The following ATP6V0D1 variants were observed in gnomAD, a reference collection of about 807,000 sequenced individuals.
ATP6V0D1 encodes the protein V-type proton ATPase subunit d 1.
A neutral mutation model predicts 39.0 loss-of-function variants in ATP6V0D1; 13 were observed. The ratio of observed to expected loss-of-function variants is 0.33; its 90% CI spans 0.22 to 0.53. The LOEUF (loss-of-function observed/expected upper bound fraction) is 0.53, where lower values mean the gene tolerates loss of function less well. ATP6V0D1 is among the 20% of genes least tolerant of loss of function. The pLI is 0.94. For missense variants in ATP6V0D1, 272 were observed against 470.9 expected (o/e 0.58, Z 3.91); for synonymous variants, 191 against 191.2 (o/e 1.00, Z 0.01).
chr16:67,458,630 T>C (rs1035595401), intron 1 of ATP6V0D1, among the ~76,000 whole-genome samples: 1 of 152,224 alleles, frequency 6.6e-6, no homozygotes, highest in Non-Finnish European at 1.5e-5. Flanking sequence ...CAGGAATGTC[T>C]GGCCAGCTTG....
At chr16:67,455,099 G>A (rs143465835) in intron 1 of ATP6V0D1, 2,608 of 152,396 alleles carry the variant, frequency 0.017, 47 homozygotes, top group Middle Eastern at 0.047. Context: ...ACATGGTGGC[G>A]GAGGCTGGCT....
At chr16:67,478,061 G>A (rs2041431216) in intron 1 of ATP6V0D1, among the ~76,000 whole-genome samples, 1 of 152,200 alleles carries the variant, frequency 6.6e-6, no homozygotes, top group African/African-American at 2.4e-5. Flanking sequence ...TTTACCTAGC[G>A]CTTATTCTGT....
chr16:67,446,536 C>T (rs1367530199), intron 2 of ATP6V0D1, among the ~76,000 whole-genome samples: 4 of 152,182 alleles, frequency 2.6e-5, no homozygotes, highest in Non-Finnish European at 5.9e-5. Flanking sequence ...CCCCACAGTG[C>T]TGGCAGAGTG....
chr16:67,467,522 T>C (rs1248595044), intron 1 of ATP6V0D1, among the ~76,000 whole-genome samples: 1 of 151,710 alleles, frequency 6.6e-6, no homozygotes, highest in Non-Finnish European at 1.5e-5. Flanking sequence ...AAAAGAGCTG[T>C]CACTCATCCA....
intron 2 of ATP6V0D1, among the ~76,000 whole-genome samples, chr16:67,450,843 T>C (rs1294947071): frequency 3.9e-5 from 6 of 151,942 alleles, no homozygotes; most frequent in Admixed American, 3.9e-4. Context: ...ACTCAGAACA[T>C]TGGTGGAAGG....
At chr16:67,443,659 G>A (rs530095536) in intron 3 of ATP6V0D1, among the ~76,000 whole-genome samples, 70 of 152,344 alleles carry the variant, frequency 4.6e-4, no homozygotes, top group African/African-American at 1.6e-3. Context: ...GGGCCACTGT[G>A]GGGTTGGAAA....
intron 1 of ATP6V0D1, among the ~76,000 whole-genome samples, chr16:67,478,613 CAAA>C (rs1292018624): frequency 1.9e-5 from 1 of 51,530 alleles, no homozygotes; most frequent in Non-Finnish European, 3.9e-5. Flanking sequence ...GACTCTGTCT[CAAA>C]AAAAAAAAAA....
At chr16:67,473,880 G>A (rs1026117424) in intron 1 of ATP6V0D1, among the ~76,000 whole-genome samples, 12 of 151,990 alleles carry the variant, frequency 7.9e-5, no homozygotes, top group African/African-American at 1.7e-4. Flanking sequence ...GGCTGGTATC[G>A]AACTGACCTT....
In ATP6V0D1 at chr16:67,480,807, C is replaced by G. The variant is rs944029742; in HGVS notation, c.130+150G>C. The G allele has an allele frequency of 2.2e-5, 26 of 1,195,262 alleles. No individual in the cohort carries two copies. The Admixed American group carries it at 6.5e-4, about 30-fold the overall frequency. The allele number at this position is 1,195,262 out of a possible 1,614,324, so 74.0% of individuals were successfully genotyped here. On this transcript the variant is annotated intron_variant, in intron 1 of 7. Transcript: ENST00000290949. ...CGCCGAGCCACAGCTAGAGGTAGAT[C>G]CCGCTCCTGCGCGTCCGCTATCAGC...
At chr16:67,457,911 A>C (rs988160503) in intron 1 of ATP6V0D1, among the ~76,000 whole-genome samples, 6 of 152,192 alleles carry the variant, frequency 3.9e-5, no homozygotes, top group African/African-American at 1.4e-4. Context: ...ATCCTGCCCA[A>C]GGCCTGAGGA....
intron 1 of ATP6V0D1, among the ~76,000 whole-genome samples, chr16:67,479,842 G>A (rs1012653954): frequency 3.3e-5 from 5 of 152,204 alleles, no homozygotes; most frequent in African/African-American, 7.2e-5. Context: ...AGCGGGAGTG[G>A]TTGGCAAAGA....
Position 67,444,785 on chromosome 16 carries a change from G to T in ATP6V0D1, c.303-79C>A. ...CTGGCATAGCACCATGCCCTCGCCCGCCTGCACAGGCCATCACCCCTTAAC... is the reference window on the plus strand; with the variant it reads ...CTGGCATAGCACCATGCCCTCGCCCTCCTGCACAGGCCATCACCCCTTAAC... On this transcript the variant is annotated intron_variant, in intron 2 of 7. Coordinates refer to ENST00000290949, the MANE Select transcript of ATP6V0D1 (RefSeq NM_004691.5). This position sits in a 1 kb window ranked among gnomAD's most constrained non-coding sequence, Gnocchi z 4.8. 1.5e-6 allele frequency: 2 copies of T among 1,309,320 alleles called. No individual in the cohort carries two copies. Among genetic ancestry groups the T allele is most frequent in the Non-Finnish European group, 2.1e-6 (2 of 966,138 alleles). The allele number at this position is 1,309,320 out of a possible 1,614,324, so 81.1% of individuals were successfully genotyped here. A position where few individuals can be genotyped will look rare whatever the true frequency, so the allele number is the denominator to read the frequency against.
rs910043591 is a variant in ATP6V0D1, at chr16:67,465,642, C to T, written c.131-11927G>A. Among the ~76,000 whole-genome samples the T allele has an allele frequency of 3.9e-5, 6 of 152,306 alleles. No individual in the cohort carries two copies. The South Asian group carries it at 1.0e-3, about 26-fold the overall frequency. On this transcript the variant is annotated intron_variant, in intron 1 of 7. Coordinates refer to ENST00000290949, the MANE Select transcript of ATP6V0D1 (RefSeq NM_004691.5). ...TGACCCAGGTGAGGGTAAATGAGGA[C>T]GGTGTGGTGGGCAAGGCTGGAGCAG...
intron 1 of ATP6V0D1, chr16:67,459,298 C>T (rs1478111179): frequency 3.0e-5 from 29 of 980,906 alleles, no homozygotes; most frequent in South Asian, 4.7e-5. Context: ...AGTGAGAGTC[C>T]CTGCCCTCCC....
intron 1 of ATP6V0D1, chr16:67,457,760 A>C (rs1597577729): frequency 1.5e-6 from 1 of 647,296 alleles, no homozygotes; most frequent in Non-Finnish European, 2.4e-6. Context: ...CCAAGCAAAC[A>C]CCCCTGTGCC....
In ATP6V0D1 at chr16:67,447,589, G is replaced by A. The variant is rs2041132235; in HGVS notation, c.303-2883C>T. On this transcript the variant is annotated intron_variant, in intron 2 of 7. Transcript: ENST00000290949. This position sits in a 1 kb window ranked among gnomAD's most constrained non-coding sequence, Gnocchi z 4.1. ...CTGGGGAGTGGAGGGCCGGCTGCCC[G>A]CCAGGCCAAAGAGGCCCTTGTGGGG... Among the ~76,000 whole-genome samples the A allele has an allele frequency of 1.3e-5, 2 of 152,118 alleles. No homozygotes were observed. The highest frequency in any genetic ancestry group is 4.8e-5 in the African/African-American group (2 of 41,446).
At chr16:67,479,925 C>T (rs1288323176) in intron 1 of ATP6V0D1, among the ~76,000 whole-genome samples, 1 of 138,848 alleles carries the variant, frequency 7.2e-6, no homozygotes, top group South Asian at 2.1e-4. Flanking sequence ...CACGGCCGGG[C>T]GCGGTGGCTC....
At chr16:67,443,223 C>T (rs752947646) in intron 3 of ATP6V0D1, 45 bp from the exon 4 acceptor site, 1 of 1,594,620 alleles carries the variant, frequency 6.3e-7, no homozygotes, top group South Asian at 1.1e-5. Context: ...TGGCCTAGGC[C>T]AGAATCCTGA....
Position 67,466,326 on chromosome 16 carries a change from TACACACACACACACACACAC to T in ATP6V0D1, c.131-12631_131-12612del, listed in dbSNP as rs536624557. 6.4e-3 allele frequency among the ~76,000 whole-genome samples: 768 copies of T among 120,580 alleles called. 8 individuals are homozygous for T. Among genetic ancestry groups the T allele is most frequent in the African/African-American group, 0.022 (700 of 31,388 alleles). The allele number at this position is 120,580 out of a possible 152,430, so 79.1% of individuals were successfully genotyped here. On this transcript the variant is annotated intron_variant, in intron 1 of 7. Coordinates refer to ENST00000290949, the MANE Select transcript of ATP6V0D1 (RefSeq NM_004691.5). ...AGAAACCCTGTATCTAGTAAACACA[TACACACACACACACACACAC>T]ACACACACACACACACACACACACA...
Sources: gnomAD v4.1 joint callset for allele counts (sites outside exome capture counted in the v4.1 genomes callset) on GRCh38, gnomAD v4.1.1 for gene constraint, Gnocchi (gnomAD v3.1) non-coding constraint, MANE v1.5 for transcripts, NCBI Gene and HGNC (gene_info 2026-07-23, HGNC 2026-07-21) for gene names.